INVS: variants seen among roughly 807,000 people sequenced by gnomAD.
INVS encodes the protein inversin.
INVS carries 86 observed loss-of-function variants against 108.8 expected under a neutral mutation model. The observed-to-expected ratio is 0.79, with a 90% CI of 0.66 to 0.95. The LOEUF (loss-of-function observed/expected upper bound fraction) is 0.95, where lower values mean the gene tolerates loss of function less well. Among genes scored for constraint, INVS ranks in the 40% least tolerant of loss-of-function variants. INVS has a pLI of 0.00. For missense variants in INVS, 1,169 were observed against 1,297.4 expected, an observed-to-expected ratio of 0.90 and a Z score of 1.52; for synonymous variants, 455 against 473.5, an observed-to-expected ratio of 0.96 and a Z score of 0.51.
At chr9:100,104,475 C>T (rs370203008) in intron 1 of INVS, 23 bp from the exon 2 acceptor site, 14 of 1,301,846 alleles carry the variant, frequency 1.1e-5, no homozygotes, top group South Asian at 4.7e-5. Flanking sequence ...TGCATGCGCT[C>T]ATTGTCTGAA....
At chr9:100,229,302 A>G (rs1831434384) in intron 4 of INVS, among the ~76,000 whole-genome samples, 1 of 152,120 alleles carries the variant, frequency 6.6e-6, no homozygotes, top group East Asian at 1.9e-4. Flanking sequence ...GTGACAATGA[A>G]TGGGATAACT....
intron 8 of INVS, among the ~76,000 whole-genome samples, chr9:100,251,447 G>GTC (rs1435106455): frequency 6.6e-6 from 1 of 152,204 alleles, no homozygotes; most frequent in African/African-American, 2.4e-5. Flanking sequence ...ACATAGAGAG[G>GTC]AGTCAGTGTA....
chr9:100,159,421 T>A (rs1829100520), intron 3 of INVS, among the ~76,000 whole-genome samples: 1 of 152,238 alleles, frequency 6.6e-6, no homozygotes. Context: ...CATCTTTTTA[T>A]GTTAATAGGT....
chr9:100,261,990 A>T (rs1220536262), intron 10 of INVS, among the ~76,000 whole-genome samples: 2 of 152,038 alleles, frequency 1.3e-5, no homozygotes, highest in Non-Finnish European at 2.9e-5. Context: ...TTTATCAACA[A>T]GATTTTTTTT....
At chr9:100,134,840 T>C (rs1828172604) in intron 3 of INVS, among the ~76,000 whole-genome samples, 1 of 152,236 alleles carries the variant, frequency 6.6e-6, no homozygotes, top group South Asian at 2.1e-4. Flanking sequence ...AATGGAACAC[T>C]GCATGAATGA....
In INVS at chr9:100,140,810, G is replaced by A. The variant is rs1370127554; in HGVS notation, c.273+14261G>A. On this transcript the variant is annotated intron_variant, in intron 3 of 16. Coordinates refer to ENST00000262457, the MANE Select transcript of INVS (RefSeq NM_014425.5). Reference sequence around the variant, plus strand: ...ATATTGTGGGACTGTTAGGAGAAACGTTCGTCATTTAGAATTACTGGTGAT... The same window carrying A: ...ATATTGTGGGACTGTTAGGAGAAACATTCGTCATTTAGAATTACTGGTGAT... Among the ~76,000 whole-genome samples, 120 of 152,144 alleles carry A rather than the reference G, an allele frequency of 7.9e-4. 1 individual carries two copies. The highest frequency in any genetic ancestry group is 2.2e-4 in the Non-Finnish European group (15 of 68,016).
At chr9:100,258,030 C>T (rs1001800307) in intron 10 of INVS, among the ~76,000 whole-genome samples, 8 of 152,226 alleles carry the variant, frequency 5.3e-5, no homozygotes, top group African/African-American at 1.9e-4. Context: ...TTCTTCCCGT[C>T]ACTTTCAGGT....
intron 16 of INVS, among the ~76,000 whole-genome samples, chr9:100,299,555 A>AACACACACACACACACACACACAC (rs55800849): frequency 3.2e-4 from 40 of 125,738 alleles, no homozygotes; most frequent in Non-Finnish European, 5.3e-4. Flanking sequence ...ATTGACACAC[A>AACACACACACACACACACACACAC]ACACACACAC....
At position 100,225,758 on chromosome 9, in the gene INVS, AT is replaced by A. The variant is rs545160303; in HGVS notation, c.274-303del. ...CAGTGAAGCATTTACTACAAAAAAAATATTAGAAACATTCTAGATATCTAAC... is the reference window on the plus strand; with the variant it reads ...CAGTGAAGCATTTACTACAAAAAAAAATTAGAAACATTCTAGATATCTAAC... On this transcript the variant is annotated intron_variant, in intron 3 of 16. Coordinates refer to ENST00000262457, the MANE Select transcript of INVS (RefSeq NM_014425.5). Among the ~76,000 whole-genome samples, 637 of 152,296 alleles carry A rather than the reference AT, an allele frequency of 4.2e-3. 2 individuals are homozygous for A. Among genetic ancestry groups the A allele is most frequent in the Non-Finnish European group, 6.7e-3 (459 of 68,020 alleles).
chr9:100,239,993 A>G (rs1238559659), intron 5 of INVS, 67 bp from the exon 6 acceptor site: 2 of 1,417,342 alleles, frequency 1.4e-6, no homozygotes, highest in Non-Finnish European at 2.0e-6. Context: ...AGAAAAAAAT[A>G]CTTACACCAA....
At chr9:100,143,302 C>T (rs1472173405) in intron 3 of INVS, among the ~76,000 whole-genome samples, 9 of 152,082 alleles carry the variant, frequency 5.9e-5, no homozygotes, top group Admixed American at 5.2e-4. Flanking sequence ...CTGAACTAAC[C>T]TGTAAGCCTT....
chr9:100,188,686 G>A (rs1379379772), intron 3 of INVS, among the ~76,000 whole-genome samples: 1 of 150,440 alleles, frequency 6.6e-6, no homozygotes. Context: ...TGGTATCAGG[G>A]TGATACTGGC....
At chr9:100,153,892 T>C (rs1828884389) in intron 3 of INVS, among the ~76,000 whole-genome samples, 1 of 152,226 alleles carries the variant, frequency 6.6e-6, no homozygotes, top group African/African-American at 2.4e-5. Context: ...CCTAATCACC[T>C]GTTAGGGATC....
At chr9:100,224,812 C>A (rs1046060818) in intron 3 of INVS, among the ~76,000 whole-genome samples, 3 of 151,568 alleles carry the variant, frequency 2.0e-5, no homozygotes, top group African/African-American at 7.3e-5. Context: ...GACGGGGTTT[C>A]ACCATGTTGG....
At chr9:100,298,461 C>A (rs1564196082) in intron 16 of INVS, 1 of 379,742 alleles carries the variant, frequency 2.6e-6, no homozygotes, top group East Asian at 1.7e-4. Context: ...ACAGGAGAAG[C>A]TCAGGGAACT....
chr9:100,290,524 G>C (rs2118752159), intron 13 of INVS, among the ~76,000 whole-genome samples: 1 of 151,274 alleles, frequency 6.6e-6, no homozygotes, highest in Non-Finnish European at 1.5e-5. Context: ...TAATTTTTTT[G>C]TATTTTTAGT....
intron 12 of INVS, among the ~76,000 whole-genome samples, chr9:100,280,443 T>C (rs1316834489): frequency 6.6e-6 from 1 of 152,254 alleles, no homozygotes; most frequent in African/African-American, 2.4e-5. Flanking sequence ...CAGACTAAAT[T>C]GGAAGCCCAT....
intron 12 of INVS, among the ~76,000 whole-genome samples, chr9:100,280,072 T>A (rs1833229896): frequency 6.6e-6 from 1 of 152,200 alleles, no homozygotes; most frequent in South Asian, 2.1e-4. Flanking sequence ...TTGTTAAAAT[T>A]TCTGATCACT....
chr9:100,213,224 A>C, intron 3 of INVS, among the ~76,000 whole-genome samples: 1 of 140,316 alleles, frequency 7.1e-6, no homozygotes, highest in East Asian at 2.4e-4. Context: ...GGTTGGGGGG[A>C]CATATATTCA....
Sources: allele counts gnomAD v4.1 joint callset (sites outside exome capture counted in the v4.1 genomes callset), GRCh38; gene constraint gnomAD v4.1.1; transcripts MANE v1.5; gene names NCBI Gene and HGNC (gene_info 2026-07-23, HGNC 2026-07-21).